CNGB1: variants seen among roughly 807,000 people sequenced by gnomAD.
The protein encoded by CNGB1 is cyclic nucleotide gated channel subunit beta 1.
A neutral mutation model predicts 151.7 loss-of-function variants in CNGB1; 126 were observed. That is an observed-to-expected ratio of 0.83 (90% CI 0.72 to 0.96). The LOEUF is 0.96. Among genes scored for constraint, CNGB1 ranks in the 40% least tolerant of loss-of-function variants. The probability of loss-of-function intolerance (pLI) is 0.00; values close to 1 mark genes in which losing one functional copy is unlikely to be tolerated. For missense variants in CNGB1, 1,698 were observed against 1,627.0 expected (o/e 1.04, Z -0.75); for synonymous variants, 623 against 635.1 (o/e 0.98, Z 0.29).
intron 21 of CNGB1, among the ~76,000 whole-genome samples, chr16:57,916,384 T>G (rs1273211386): frequency 2.0e-5 from 3 of 152,176 alleles, no homozygotes; most frequent in Admixed American, 1.3e-4. Context: ...GTCACCCAGC[T>G]AGATCCTGAT....
At position 57,930,277 on chromosome 16, in the gene CNGB1, G is replaced by T. The variant is rs574518058; in HGVS notation, c.1535+1439C>A. 2.6e-5 allele frequency among the ~76,000 whole-genome samples: 4 copies of T among 152,088 alleles called. No homozygotes were observed. In the East Asian group the frequency reaches 7.7e-4, roughly 29 times the overall value. ...TTTGGGAGGCTAAGGCAGGTGGATT[G>T]CTCGAGCTCAGGAGTTTGAGACCAG... is the stretch of plus-strand genomic sequence containing the variant. On this transcript the variant is annotated intron_variant, in intron 17 of 32. Coordinates refer to ENST00000251102, the MANE Select transcript of CNGB1 (RefSeq NM_001297.5).
At position 57,940,257 on chromosome 16, in the gene CNGB1, G is replaced by T; in HGVS notation, c.1186C>A (p.Arg396=). Residue 396 remains arginine (R), a synonymous_variant, in exon 15 of 33, where the codon CGG becomes AGG. Coordinates refer to ENST00000251102, the MANE Select transcript of CNGB1 (RefSeq NM_001297.5). The part of the protein sequence containing the change: ...GVGQSEEDGT[R]PQSTSDQKLW... ...ACCTGATCTGAAGTGCTCTGGGGCC[G>T]GGTCCCGTCTTCTTCACTCTGGCCC... 2 of 1,574,370 alleles carry T rather than the reference G, an allele frequency of 1.3e-6. No individual in the cohort carries two copies. The highest frequency in any genetic ancestry group is 1.3e-5 in the African/African-American group (1 of 74,558).
intron 14 of CNGB1, among the ~76,000 whole-genome samples, chr16:57,941,216 C>T (rs1302874445): frequency 6.6e-6 from 1 of 152,146 alleles, no homozygotes; most frequent in Non-Finnish European, 1.5e-5. Context: ...GACTCAGGAC[C>T]AGGGACTAAT....
At position 57,957,342 on chromosome 16, in the gene CNGB1, G is replaced by T. The variant is rs181481207; in HGVS notation, c.873C>A (p.Thr291=). The change falls in exon 12 of 33, where the codon ACC becomes ACA. Residue 291 remains threonine (T), a splice_region_variant and synonymous_variant. Transcript: ENST00000251102. ...PDSPGICDVQ[T]ISILPGGQVE... is the part of the protein sequence containing the mutation. ...GGGACTCAGTAATGTGTCACTTACT[G>T]GTCTGCACATCACATATCCCAGGGG... The T allele has an allele frequency of 8.1e-6, 13 of 1,613,912 alleles. No homozygotes were observed. The East Asian group carries it at 2.9e-4, about 36-fold the overall frequency.
In CNGB1 at chr16:57,917,340, G is replaced by C. The variant is rs563059002; in HGVS notation, c.2094C>G (p.Cys698Trp). Residue 698 changes from cysteine (C) to tryptophan (W), a missense_variant, in exon 21 of 33, where the codon TGC becomes TGG. Coordinates refer to ENST00000251102, the MANE Select transcript of CNGB1 (RefSeq NM_001297.5). ...TGATGTCCAGGAAGTAGATGAGGTC[G>C]CATAGGTAATCCATCAGCAGCCAGT... ...IHHWLLMDYL[C>W]DLIYFLDITV... is the part of the protein sequence containing the mutation. 1.2e-6 allele frequency: 2 copies of C among 1,614,092 alleles called. No individual in the cohort carries two copies. Among genetic ancestry groups the C allele is most frequent in the Non-Finnish European group, 1.7e-6 (2 of 1,180,026 alleles).
At position 57,903,881 on chromosome 16, in the gene CNGB1, G is replaced by A. The variant is rs750191382; in HGVS notation, c.2735C>T (p.Ser912Phe). ...KYMNFYKIPK[S>F]VQNRVKTWYE... is the part of the protein sequence containing the mutation. The stretch of plus-strand genomic sequence containing the variant: ...CCAGGTCTTGACGCGGTTCTGCACG[G>A]ACTTGGGGATCTTGTAGAAATTCAT... Residue 912 changes from serine (S) to phenylalanine (F), a missense_variant, in exon 27 of 33, where the codon TCC (serine) becomes TTC (phenylalanine). Transcript: ENST00000251102. The A allele has an allele frequency of 9.3e-6, 15 of 1,614,092 alleles. No individual in the cohort carries two copies. The South Asian group carries it at 1.6e-4, about 18-fold the overall frequency.
rs1277637105 is a variant in CNGB1 at position 57,960,646 on chromosome 16, G to A, written c.535-116C>T. 5.0e-6 allele frequency: 7 copies of A among 1,397,722 alleles called. No individual in the cohort carries two copies. In the African/African-American group the frequency reaches 7.1e-5, roughly 14 times the overall value. 86.6% of individuals were successfully genotyped at this position (1,397,722 alleles called of 1,614,324 possible). A position where few individuals can be genotyped will look rare whatever the true frequency, so the allele number is the denominator to read the frequency against. ...CGGGTGAGCCGGGGATGGGGGTGGG[G>A]GGTGTCTCTCCTTCTGAATCCCGGC... On this transcript the variant is annotated intron_variant, in intron 8 of 32. Coordinates refer to ENST00000251102, the MANE Select transcript of CNGB1 (RefSeq NM_001297.5).
At chr16:57,916,065 G>GC in intron 22 of CNGB1, 64 bp downstream of exon 22, 6 of 1,503,552 alleles carry the variant, frequency 4.0e-6, no homozygotes, top group Non-Finnish European at 4.6e-6. Context: ...AGGCACCCAG[G>GC]GCCCTCTGAG....
chr16:57,898,039 C>T, intron 29 of CNGB1, 125 bp from the exon 30 acceptor site: 1 of 931,764 alleles, frequency 1.1e-6, no homozygotes, highest in East Asian at 2.4e-5. Context: ...CCAGCCCTGC[C>T]ACCACAACTT....
intron 32 of CNGB1, among the ~76,000 whole-genome samples, chr16:57,885,580 T>TCTCTCTC (rs746385217): frequency 0.049 from 2,765 of 56,424 alleles, 140 homozygotes; most frequent in Admixed American, 0.076. Flanking sequence ...CTCTCTCTCT[T>TCTCTCTC]TCTTTCTTTC....
chr16:57,924,901 C>T (rs1301878958), intron 17 of CNGB1, among the ~76,000 whole-genome samples: 1 of 152,172 alleles, frequency 6.6e-6, no homozygotes, highest in Non-Finnish European at 1.5e-5. Flanking sequence ...ACCATGAGTA[C>T]AAGCTCCCTG....
At position 57,967,180 on chromosome 16, in the gene CNGB1, T is replaced by A; in HGVS notation, c.107A>T (p.Glu36Val). 1 of 1,614,176 alleles carries A rather than the reference T, an allele frequency of 6.2e-7. No individual in the cohort carries two copies. The highest frequency in any genetic ancestry group is 2.2e-5 in the East Asian group (1 of 44,874). The change falls in exon 2 of 33, where the codon GAG (glutamate) becomes GTG (valine). Residue 36 changes from glutamate to valine, a missense_variant. Transcript: ENST00000251102. ...EVEPEPEMEA[E>V]VEPEPNPEEA... ...CTCAGGATTCGGTTCTGGTTCCACC[T>A]CCGCCTCCATCTCTGGCTCTGGTTC...
chr16:57,953,493 T>TAAAA lies in CNGB1; in HGVS notation c.875-2957_875-2954dup, dbSNP rs61409577. Among the ~76,000 whole-genome samples the TAAAA allele has an allele frequency of 2.4e-3, 291 of 122,776 alleles. 2 individuals are homozygous for TAAAA. Among genetic ancestry groups the TAAAA allele is most frequent in the African/African-American group, 8.4e-3 (278 of 33,220 alleles). The allele number at this position is 122,776 out of a possible 152,430, so 80.5% of individuals were successfully genotyped here. Reference sequence around the variant, plus strand: ...CTGGTGACAGAGCAAGGCTCAATCTTAAAAAAAAAAAAAAAAAAAGAAAGT... The same window carrying TAAAA: ...CTGGTGACAGAGCAAGGCTCAATCTTAAAAAAAAAAAAAAAAAAAAAAAGAAAGT... On this transcript the variant is annotated intron_variant, in intron 12 of 32. Coordinates refer to ENST00000251102, the MANE Select transcript of CNGB1 (RefSeq NM_001297.5).
At chr16:57,939,013 C>T (rs192711635) in intron 16 of CNGB1, among the ~76,000 whole-genome samples, 19 of 152,290 alleles carry the variant, frequency 1.2e-4, no homozygotes, top group Admixed American at 1.1e-3. Context: ...GATGTCTGAG[C>T]CAAACCCTCA....
chr16:57,901,973 C>A (rs1417595812), intron 27 of CNGB1, among the ~76,000 whole-genome samples: 1 of 152,248 alleles, frequency 6.6e-6, no homozygotes, highest in Non-Finnish European at 1.5e-5. Context: ...TGTGTTCCCA[C>A]TTCCCTGGAA....
chr16:57,967,363 C>T, intron 1 of CNGB1, 69 bp from the exon 2 acceptor site: 1 of 1,477,662 alleles, frequency 6.8e-7, no homozygotes, highest in South Asian at 1.1e-5. Flanking sequence ...ATGGGCCACT[C>T]TTATGAGTTG....
chr16:57,906,841 G>A (rs1321610729), intron 25 of CNGB1, among the ~76,000 whole-genome samples: 1 of 152,174 alleles, frequency 6.6e-6, no homozygotes, highest in African/African-American at 2.4e-5. Flanking sequence ...CCTCCCTGAA[G>A]TCTCCTTGTC....
intron 12 of CNGB1, among the ~76,000 whole-genome samples, chr16:57,953,269 G>T (rs1359142791): frequency 1.3e-5 from 2 of 152,128 alleles, no homozygotes; most frequent in African/African-American, 4.8e-5. Context: ...GGCCGAGGTC[G>T]GCAGATCATG....
intron 1 of CNGB1, among the ~76,000 whole-genome samples, chr16:57,967,560 G>A (rs1440621519): frequency 6.6e-6 from 1 of 152,130 alleles, no homozygotes; most frequent in Non-Finnish European, 1.5e-5. Context: ...GCCAGGTGTA[G>A]TGGCTCACTC....
Sources: gnomAD v4.1 joint callset for allele counts (sites outside exome capture counted in the v4.1 genomes callset) on GRCh38, gnomAD v4.1.1 for gene constraint, MANE v1.5 for transcripts, NCBI Gene and HGNC (gene_info 2026-07-23, HGNC 2026-07-21) for gene names.